SPON2: variants seen among roughly 807,000 people sequenced by gnomAD.
The protein encoded by SPON2 is spondin 2, also known as spondin-2.
In SPON2, 32 loss-of-function variants were observed where a neutral mutation model predicts 29.9. The observed-to-expected ratio is 1.07, with a 90% CI of 0.81 to 1.44. The LOEUF is 1.44. Ranked by LOEUF, SPON2 falls within the 40% of genes most tolerant of loss-of-function variation. The probability of loss-of-function intolerance (pLI) is 0.00; values close to 1 mark genes in which losing one functional copy is unlikely to be tolerated. For missense variants in SPON2, 541 were observed against 455.5 expected, an observed-to-expected ratio of 1.19 and a Z score of -1.71; for synonymous variants, 248 against 209.1, an observed-to-expected ratio of 1.19 and a Z score of -1.61.
At chr4:1,207,554 G>C (rs918651548) in intron 1 of SPON2, among the ~76,000 whole-genome samples, 4 of 151,224 alleles carry the variant, frequency 2.6e-5, no homozygotes, top group Non-Finnish European at 5.9e-5. Flanking sequence ...CAGAGGGTCC[G>C]GCTGCCTAAC....
intron 1 of SPON2, among the ~76,000 whole-genome samples, chr4:1,191,169 A>G: frequency 6.6e-6 from 1 of 152,018 alleles, no homozygotes; most frequent in Non-Finnish European, 1.5e-5. Context: ...ACTACCCAAT[A>G]AAAGAACTAA....
intron 1 of SPON2, chr4:1,201,268 C>A (rs1728198417): frequency 2.6e-6 from 1 of 389,838 alleles, no homozygotes; most frequent in African/African-American, 2.0e-5. Context: ...GCCCGCCCTA[C>A]CTGCCCTGAG....
upstream of SPON2, among the ~76,000 whole-genome samples, chr4:1,177,856 C>T (rs1334259056): frequency 1.3e-5 from 2 of 152,182 alleles, no homozygotes; most frequent in African/African-American, 2.4e-5. Flanking sequence ...GGAGTACCCA[C>T]CCACGGGAGC....
intron 1 of SPON2, among the ~76,000 whole-genome samples, chr4:1,189,989 CAAAAA>C (rs34537590): frequency 1.1e-5 from 1 of 93,930 alleles, no homozygotes; most frequent in Non-Finnish European, 2.3e-5. Flanking sequence ...GACTCCATCT[CAAAAA>C]AAAAAAAAAA....
chr4:1,178,557 T>G (rs899882240), intron 2 of SPON2, among the ~76,000 whole-genome samples: 6 of 152,140 alleles, frequency 3.9e-5, no homozygotes, highest in African/African-American at 1.4e-4. Context: ...CCTTTGCACG[T>G]GCAGCTCTCC....
rs762056756 is a variant in SPON2 at position 1,167,334 on chromosome 4, G to A, written c.*138C>T. Reference sequence around the variant, plus strand: ...CCACCAGAGGGCCCTTCAGTGCAGAGATGGTCGGCGCGGCCTCACCGCGGT... The same window carrying A: ...CCACCAGAGGGCCCTTCAGTGCAGAAATGGTCGGCGCGGCCTCACCGCGGT... On this transcript the variant is annotated 3_prime_UTR_variant, in exon 6 of 6. Transcript: ENST00000290902. 2.3e-6 allele frequency: 2 copies of A among 872,764 alleles called. No homozygotes were observed. Among genetic ancestry groups the A allele is most frequent in the East Asian group, 2.6e-5 (1 of 39,154 alleles). The allele number at this position is 872,764 out of a possible 1,614,324, so 54.1% of individuals were successfully genotyped here.
upstream of SPON2, among the ~76,000 whole-genome samples, chr4:1,175,824 G>A (rs76717949): frequency 2.0e-3 from 312 of 152,268 alleles, 8 homozygotes; most frequent in East Asian, 0.048. Flanking sequence ...TGGGGTGGTG[G>A]TAGACCGAGG....
At chr4:1,193,849 C>T (rs1299213033) in intron 1 of SPON2, among the ~76,000 whole-genome samples, 6 of 30,320 alleles carry the variant, frequency 2.0e-4, no homozygotes, top group South Asian at 1.2e-3. Context: ...GGGGGGGCAG[C>T]GTGGGAAGGA....
At chr4:1,189,159 A>G (rs1203264320) in intron 1 of SPON2, among the ~76,000 whole-genome samples, 1 of 152,172 alleles carries the variant, frequency 6.6e-6, no homozygotes, top group Admixed American at 6.5e-5. Flanking sequence ...ACAATATACT[A>G]AAATACAGAT....
intron 1 of SPON2, chr4:1,200,928 C>T (rs913375270): frequency 4.4e-6 from 2 of 456,720 alleles, no homozygotes; most frequent in Non-Finnish European, 8.8e-6. Flanking sequence ...GATGTGGGCA[C>T]CCCCGTGCCC....
chr4:1,170,981 C>A lies in SPON2; in HGVS notation c.636+18G>T. On this transcript the variant is annotated intron_variant, in intron 4 of 5. Transcript: ENST00000290902. ...CGGGGGCCATAGCGGCCCTTGCGCA[C>A]GCGGGGTGCCCACTCACCTCGGTCA... 1 of 1,546,344 alleles carries A rather than the reference C, an allele frequency of 6.5e-7. No homozygotes were observed. The highest frequency in any genetic ancestry group is 1.2e-5 in the South Asian group (1 of 83,808).
chr4:1,206,375 G>A (rs1728343496), intron 1 of SPON2, among the ~76,000 whole-genome samples: 1 of 152,258 alleles, frequency 6.6e-6, no homozygotes, highest in South Asian at 2.1e-4. Flanking sequence ...GCGGTTGTCA[G>A]CCCTTGGTCT....
chr4:1,173,926 C>T (rs1727536570), upstream of SPON2, among the ~76,000 whole-genome samples: 3 of 152,230 alleles, frequency 2.0e-5, no homozygotes, highest in Admixed American at 1.3e-4. Context: ...GAGGGCCAGG[C>T]GCAGTGGCTC....
chr4:1,198,723 G>A (rs1461431116), upstream of SPON2, among the ~76,000 whole-genome samples: 2 of 152,096 alleles, frequency 1.3e-5, no homozygotes, highest in Non-Finnish European at 2.9e-5. Flanking sequence ...CGAGGGCAGC[G>A]CAGTCATCAG....
rs779187152 is a variant in SPON2, at chr4:1,167,459, C to T, written c.*13G>A. 3.7e-6 allele frequency: 6 copies of T among 1,607,346 alleles called. No homozygotes were observed. Among genetic ancestry groups the T allele is most frequent in the Non-Finnish European group, 5.1e-6 (6 of 1,176,190 alleles). ...TGGCTCCGGGGGGCCCCAGGGGCTGCGGGGCTCTGGTCTTAGACGCAGTTA... is the reference window on the plus strand; with the variant it reads ...TGGCTCCGGGGGGCCCCAGGGGCTGTGGGGCTCTGGTCTTAGACGCAGTTA... On this transcript the variant is annotated 3_prime_UTR_variant, in exon 6 of 6. Transcript: ENST00000290902.
chr4:1,196,433 C>T (rs773561663), upstream of SPON2, among the ~76,000 whole-genome samples: 2 of 152,234 alleles, frequency 1.3e-5, no homozygotes, highest in Non-Finnish European at 2.9e-5. Context: ...CACGTGAGCT[C>T]TGTGGCCTCA....
intron 1 of SPON2, among the ~76,000 whole-genome samples, chr4:1,180,021 G>A (rs1311380966): frequency 6.6e-6 from 1 of 152,056 alleles, no homozygotes; most frequent in Non-Finnish European, 1.5e-5. Context: ...TCAATGGGGA[G>A]CTTTGAAAAA....
At chr4:1,168,235 C>T (rs1330122861) in intron 5 of SPON2, 2 of 152,284 alleles carry the variant, frequency 1.3e-5, no homozygotes, top group African/African-American at 4.8e-5. Flanking sequence ...AGTGAAAACA[C>T]CTCTTTTGCA....
In SPON2 at chr4:1,170,529, C is replaced by T. The variant is rs115393133; in HGVS notation, c.684G>A (p.Pro228=). ...CGATGGGAGGCAGGGCCTTCAGCCG[C>T]GGGTAGTAGAAGGAGTTGGCCGGGT... is the stretch of plus-strand genomic sequence containing the variant. ...PSHPANSFYY[P]RLKALPPIAR... Residue 228 remains proline (P), a synonymous_variant, in exon 5 of 6, where the codon CCG becomes CCA. Transcript: ENST00000290902. 1.6e-3 allele frequency: 2,556 copies of T among 1,613,898 alleles called. 5 individuals are homozygous for T. The highest frequency in any genetic ancestry group is 2.0e-3 in the Non-Finnish European group (2,374 of 1,179,890).
Sources: gnomAD v4.1 joint callset for allele counts (sites outside exome capture counted in the v4.1 genomes callset) on GRCh38, gnomAD v4.1.1 for gene constraint, MANE v1.5 for transcripts, NCBI Gene and HGNC (gene_info 2026-07-23, HGNC 2026-07-21) for gene names.